UGGT1: variants seen among roughly 807,000 people sequenced by gnomAD.
UGGT1 encodes UDP-glucose:glycoprotein glucosyltransferase 1.
A neutral mutation model predicts 203.9 loss-of-function variants in UGGT1; 107 were observed. That is an observed-to-expected ratio of 0.52 (90% CI 0.45 to 0.62). The LOEUF is 0.62. Among genes scored for constraint, UGGT1 ranks in the 20% least tolerant of loss-of-function variants. UGGT1 has a pLI of 0.00. For missense variants in UGGT1, 1,673 were observed against 1,867.2 expected (o/e 0.90, Z 1.92); for synonymous variants, 628 against 653.5 (o/e 0.96, Z 0.59).
intron 3 of UGGT1, among the ~76,000 whole-genome samples, chr2:128,105,753 A>C (rs879450778): frequency 6.6e-5 from 10 of 151,786 alleles, no homozygotes; most frequent in Admixed American, 4.6e-4. Flanking sequence ...GACCTCAGGC[A>C]ATCCACCCAC....
At chr2:128,123,601 C>T (rs2105398282) in intron 11 of UGGT1, among the ~76,000 whole-genome samples, 1 of 152,296 alleles carries the variant, frequency 6.6e-6, no homozygotes, top group South Asian at 2.1e-4. Flanking sequence ...ATATTGGCCT[C>T]CTATTTAAAC....
chr2:128,143,002 A>G, intron 16 of UGGT1, 92 bp from the exon 17 acceptor site: 5 of 1,298,464 alleles, frequency 3.9e-6, no homozygotes, highest in South Asian at 1.7e-5. Context: ...AAAAATAAGT[A>G]TATTTTCCTC....
chr2:128,143,139 G>A lies in UGGT1; in HGVS notation c.1765G>A (p.Val589Met). The change falls in exon 17 of 41, where the codon GTG becomes ATG. Residue 589 changes from valine (V) to methionine (M), a missense_variant. By Grantham distance (21) the Val-to-Met change is conservative. This residue lies in a region of UGGT1 where 1,073 missense variants were observed against 1,078.7 expected (regional missense o/e 0.99). Transcript: ENST00000259253. ...TGGAGAAAAAGTGAAAGTTGAACAT[G>A]TGGTCAGTGTCCTGGAGAAGAAATA... is the stretch of plus-strand genomic sequence containing the variant. ...RTGEKVKVEH[V>M]VSVLEKKYPY... 6.2e-7 allele frequency: 1 copy of A among 1,613,884 alleles called. No homozygotes were observed. Among genetic ancestry groups the A allele is most frequent in the South Asian group, 1.1e-5 (1 of 91,012 alleles).
At chr2:128,165,847 C>T (rs1000367964) in intron 26 of UGGT1, among the ~76,000 whole-genome samples, 9 of 152,170 alleles carry the variant, frequency 5.9e-5, no homozygotes, top group South Asian at 2.1e-4. Flanking sequence ...CTGCACCTTC[C>T]GCCTTCTGGG....
At chr2:128,173,752 C>T in intron 29 of UGGT1, 29 bp from the exon 30 acceptor site, 1 of 1,610,960 alleles carries the variant, frequency 6.2e-7, no homozygotes, top group African/African-American at 1.3e-5. Flanking sequence ...TCTCTGAGTG[C>T]ATTCAAGTGA....
intron 6 of UGGT1, among the ~76,000 whole-genome samples, chr2:128,114,551 G>T (rs1282082746): frequency 6.6e-6 from 1 of 152,090 alleles, no homozygotes; most frequent in East Asian, 1.9e-4. Context: ...CAGGATGCTG[G>T]TGAGCCTGTG....
chr2:128,094,056 C>T (rs559699251), intron 1 of UGGT1, among the ~76,000 whole-genome samples: 4 of 152,262 alleles, frequency 2.6e-5, no homozygotes, highest in Non-Finnish European at 4.4e-5. Context: ...CCCCAATTTC[C>T]TCCCCACTCT....
At chr2:128,124,473 T>A (rs1388144994) in intron 11 of UGGT1, among the ~76,000 whole-genome samples, 1 of 152,154 alleles carries the variant, frequency 6.6e-6, no homozygotes, top group East Asian at 1.9e-4. Context: ...TAAAAAAATC[T>A]CTGTACTGTT....
chr2:128,115,117 C>CT lies in UGGT1; in HGVS notation c.697-5dup. On this transcript the variant is annotated splice_region_variant and splice_polypyrimidine_tract_variant and intron_variant, in intron 6 of 40. Coordinates refer to ENST00000259253, the MANE Select transcript of UGGT1 (RefSeq NM_020120.4). ...TGGTAATGATGGAATTCTTGCTTTA[C>CT]TTGCAGAATCCCAGGAAGGAGCCTG... The CT allele has an allele frequency of 1.2e-6, 2 of 1,613,680 alleles. No homozygotes were observed. The highest frequency in any genetic ancestry group is 1.7e-6 in the Non-Finnish European group (2 of 1,179,656).
intron 18 of UGGT1, chr2:128,151,146 C>T (rs766743990): frequency 9.3e-5 from 40 of 431,118 alleles, no homozygotes; most frequent in Middle Eastern, 7.2e-4. Context: ...CCATTGCACC[C>T]GGCCCAGATT....
intron 5 of UGGT1, 26 bp downstream of exon 5, chr2:128,109,772 A>G (rs1687766977): frequency 6.3e-7 from 1 of 1,575,418 alleles, no homozygotes; most frequent in Admixed American, 1.7e-5. Context: ...CTTTATTTTC[A>G]TGTCATGCAT....
Position 128,178,583 on chromosome 2 carries a change from A to G in UGGT1, c.3815+14A>G, listed in dbSNP as rs1265908053. Reference sequence around the variant, plus strand: ...AAGATTTCTTCGGTCAGTCTTGTTGATTATTTCATTATATATGATGAATGA... The same window carrying G: ...AAGATTTCTTCGGTCAGTCTTGTTGGTTATTTCATTATATATGATGAATGA... On this transcript the variant is annotated intron_variant, in intron 34 of 40. Transcript: ENST00000259253. 1 of 1,574,558 alleles carries G rather than the reference A, an allele frequency of 6.4e-7. No homozygotes were observed. The highest frequency in any genetic ancestry group is 1.5e-5 in the African/African-American group (1 of 67,720).
intron 26 of UGGT1, among the ~76,000 whole-genome samples, chr2:128,167,629 C>G (rs1690861565): frequency 6.6e-6 from 1 of 152,216 alleles, no homozygotes; most frequent in Admixed American, 6.5e-5. Context: ...GACATTTACT[C>G]TACGAACCAT....
chr2:128,174,160 G>C (rs1029923890), intron 30 of UGGT1, among the ~76,000 whole-genome samples: 5 of 152,124 alleles, frequency 3.3e-5, no homozygotes, highest in South Asian at 4.2e-4. Context: ...AACTGAATTG[G>C]CCCCCTGAAA....
chr2:128,135,263 C>G (rs1285488805), intron 15 of UGGT1, among the ~76,000 whole-genome samples: 2 of 152,182 alleles, frequency 1.3e-5, no homozygotes, highest in Non-Finnish European at 2.9e-5. Context: ...ATCACAAAAC[C>G]TATTTCCACT....
Position 128,116,260 on chromosome 2 carries a change from C to A in UGGT1, c.794-5C>A. The A allele has an allele frequency of 3.2e-6, 5 of 1,578,652 alleles. No homozygotes were observed. The highest frequency in any genetic ancestry group is 4.3e-6 in the Non-Finnish European group (5 of 1,150,422). ...TAATAATATGTATTTTCTATTCTTTCATAGGAACTGAGGTAAACACCACAG... is the reference window on the plus strand; with the variant it reads ...TAATAATATGTATTTTCTATTCTTTAATAGGAACTGAGGTAAACACCACAG... On this transcript the variant is annotated splice_polypyrimidine_tract_variant and splice_region_variant and intron_variant, in intron 7 of 40. Coordinates refer to ENST00000259253, the MANE Select transcript of UGGT1 (RefSeq NM_020120.4).
chr2:128,098,743 C>T lies in UGGT1; in HGVS notation c.194+1179C>T, dbSNP rs1222365727. ...CAGCCTGGGCAGCAGAGCAAGACTC[C>T]GTCTCAAAAAAAAAAAAAAAGGGAA... On this transcript the variant is annotated intron_variant, in intron 2 of 40. Transcript: ENST00000259253. Among the ~76,000 whole-genome samples the T allele has an allele frequency of 7.1e-5, 10 of 140,842 alleles. No individual in the cohort carries two copies. The South Asian group carries it at 1.3e-3, about 18-fold the overall frequency. The allele number at this position is 140,842 out of a possible 152,430, so 92.4% of individuals were successfully genotyped here. A position where few individuals can be genotyped will look rare whatever the true frequency, so the allele number is the denominator to read the frequency against.
intron 26 of UGGT1, among the ~76,000 whole-genome samples, chr2:128,167,572 CT>C: frequency 6.6e-6 from 1 of 152,302 alleles, no homozygotes; most frequent in African/African-American, 2.4e-5. Context: ...CAAGTTGCTC[CT>C]GGGGGATTCC....
At chr2:128,178,759 T>C (rs1691530291) in intron 34 of UGGT1, among the ~76,000 whole-genome samples, 190 bp downstream of exon 34, 1 of 152,214 alleles carries the variant, frequency 6.6e-6, no homozygotes, top group African/African-American at 2.4e-5. Context: ...AGTTGAACTA[T>C]GTAGTGAGTG....
Sources: gnomAD v4.1 joint callset for allele counts (sites outside exome capture counted in the v4.1 genomes callset) on GRCh38, gnomAD v4.1.1 for gene constraint, gnomAD v4.1.1 regional missense constraint, MANE v1.5 for transcripts, NCBI Gene and HGNC (gene_info 2026-07-23, HGNC 2026-07-21) for gene names.